KHDRBS3: variants seen among roughly 807,000 people sequenced by gnomAD.
The protein encoded by KHDRBS3 is KH domain-containing, RNA-binding, signal transduction-associated protein 3.
In KHDRBS3, 23 loss-of-function variants were observed where a neutral mutation model predicts 45.6. The ratio of observed to expected loss-of-function variants is 0.50; its 90% CI spans 0.36 to 0.72. The LOEUF is 0.72. Among genes scored for constraint, KHDRBS3 ranks in the 30% least tolerant of loss-of-function variants. The pLI is 0.00. For missense variants in KHDRBS3, 352 were observed against 424.8 expected (o/e 0.83, Z 1.51); for synonymous variants, 162 against 156.5 (o/e 1.04, Z -0.26).
intron 6 of KHDRBS3, among the ~76,000 whole-genome samples, chr8:135,587,563 A>G (rs770210595): frequency 6.6e-6 from 1 of 152,214 alleles, no homozygotes; most frequent in Non-Finnish European, 1.5e-5. Flanking sequence ...GTAACTCCTC[A>G]TCTCTTTTTG....
chr8:135,531,910 T>A, intron 2 of KHDRBS3, among the ~76,000 whole-genome samples: 1 of 152,130 alleles, frequency 6.6e-6, no homozygotes, highest in East Asian at 1.9e-4. Context: ...TCCTGAAATA[T>A]TTGTGATATT....
rs147475631 is a variant in KHDRBS3, at chr8:135,611,375, A to G, written c.890+4338A>G. ...TTTGAACTGAGGTCTGACTGTAACT[A>G]TATATTAGTATCTTTTCCACTACAG... On this transcript the variant is annotated intron_variant, in intron 7 of 8. Transcript: ENST00000355849. Among the ~76,000 whole-genome samples the G allele has an allele frequency of 2.7e-4, 41 of 151,968 alleles. 2 individuals are homozygous for G. The highest frequency in any genetic ancestry group is 8.0e-4 in the African/African-American group (33 of 41,216).
At chr8:135,607,480 C>G (rs1243704860) in intron 7 of KHDRBS3, among the ~76,000 whole-genome samples, 1 of 152,168 alleles carries the variant, frequency 6.6e-6, no homozygotes, top group Non-Finnish European at 1.5e-5. Flanking sequence ...CTATCAACTT[C>G]AAACTCCTAC....
chr8:135,575,682 C>T (rs1419089668), intron 5 of KHDRBS3, among the ~76,000 whole-genome samples: 1 of 151,744 alleles, frequency 6.6e-6, no homozygotes, highest in Non-Finnish European at 1.5e-5. Context: ...TATTTTAGAA[C>T]AGTTGTGGCT....
At chr8:135,578,624 A>G (rs1465763516) in intron 5 of KHDRBS3, among the ~76,000 whole-genome samples, 4 of 152,230 alleles carry the variant, frequency 2.6e-5, no homozygotes, top group South Asian at 4.2e-4. Flanking sequence ...TTGTAGCTTT[A>G]TAATAAGTCT....
intron 7 of KHDRBS3, 84 bp from the exon 8 acceptor site, chr8:135,644,973 CTT>C: frequency 7.1e-7 from 1 of 1,409,318 alleles, no homozygotes; most frequent in Non-Finnish European, 9.9e-7. Context: ...CATTAGTTGT[CTT>C]TAAGTTTTAC....
At chr8:135,501,232 T>TA (rs1823719856) in intron 1 of KHDRBS3, among the ~76,000 whole-genome samples, 1 of 152,204 alleles carries the variant, frequency 6.6e-6, no homozygotes, top group Admixed American at 6.5e-5. Flanking sequence ...AATTCTGAGC[T>TA]CTTTTTCTTT....
In KHDRBS3 at chr8:135,646,979, C is replaced by T; in HGVS notation, c.950-14C>T. 1 of 1,449,104 alleles carries T rather than the reference C, an allele frequency of 6.9e-7. No homozygotes were observed. Among genetic ancestry groups the T allele is most frequent in the South Asian group, 1.1e-5 (1 of 87,856 alleles). The allele number at this position is 1,449,104 out of a possible 1,614,324, so 89.8% of individuals were successfully genotyped here. A position where few individuals can be genotyped will look rare whatever the true frequency, so the allele number is the denominator to read the frequency against. ...TGGCAGTGATCTAATTGTGATTCAT[C>T]TTACTGATTGTAGGGCAAGAAGAGT... On this transcript the variant is annotated splice_polypyrimidine_tract_variant and intron_variant, in intron 8 of 8. Coordinates refer to ENST00000355849, the MANE Select transcript of KHDRBS3 (RefSeq NM_006558.3).
chr8:135,537,173 C>T (rs1368779198), intron 2 of KHDRBS3, among the ~76,000 whole-genome samples: 2 of 152,052 alleles, frequency 1.3e-5, no homozygotes, highest in East Asian at 3.9e-4. Context: ...ACAGTGGCAC[C>T]ATTTGCTGGG....
chr8:135,631,705 G>A (rs1434640195), intron 7 of KHDRBS3, among the ~76,000 whole-genome samples: 1 of 152,190 alleles, frequency 6.6e-6, no homozygotes, highest in Non-Finnish European at 1.5e-5. Flanking sequence ...CTTCGGGCAG[G>A]TCCTTTAGGA....
chr8:135,512,301 T>C (rs941065290), intron 1 of KHDRBS3, among the ~76,000 whole-genome samples: 1 of 151,940 alleles, frequency 6.6e-6, no homozygotes. Flanking sequence ...AGCTGGACTG[T>C]TGTACTATTT....
At chr8:135,604,874 C>G (rs1341091290) in intron 6 of KHDRBS3, among the ~76,000 whole-genome samples, 1 of 150,328 alleles carries the variant, frequency 6.7e-6, no homozygotes, top group African/African-American at 2.4e-5. Flanking sequence ...TTAACTTCTC[C>G]TTCATTTTTG....
At chr8:135,460,010 T>A (rs1177344200) in intron 1 of KHDRBS3, among the ~76,000 whole-genome samples, 2 of 152,246 alleles carry the variant, frequency 1.3e-5, no homozygotes, top group Non-Finnish European at 2.9e-5. Flanking sequence ...AACATTTTTC[T>A]CTTAAATCAC....
chr8:135,462,742 A>T (rs149668366), intron 1 of KHDRBS3, among the ~76,000 whole-genome samples: 1 of 152,232 alleles, frequency 6.6e-6, no homozygotes, highest in African/African-American at 2.4e-5. Context: ...GCCCATGGTG[A>T]CATGCTTATA....
intron 1 of KHDRBS3, among the ~76,000 whole-genome samples, chr8:135,513,526 T>C (rs992427350): frequency 1.3e-5 from 2 of 152,230 alleles, no homozygotes; most frequent in Non-Finnish European, 2.9e-5. Flanking sequence ...ACTCAAGCAG[T>C]TGGAGTCTGG....
At chr8:135,588,261 T>C (rs1828575627) in intron 6 of KHDRBS3, among the ~76,000 whole-genome samples, 1 of 152,156 alleles carries the variant, frequency 6.6e-6, no homozygotes, top group African/African-American at 2.4e-5. Flanking sequence ...TTACTACTGC[T>C]AATTTGTTAT....
chr8:135,552,840 C>T (rs1563763426), intron 4 of KHDRBS3, among the ~76,000 whole-genome samples: 2 of 152,040 alleles, frequency 1.3e-5, no homozygotes, highest in South Asian at 2.1e-4. Flanking sequence ...AAGGGGAGCT[C>T]GTGTTCAGAC....
Position 135,645,135 on chromosome 8 carries a change from G to C in KHDRBS3, c.949+18G>C, listed in dbSNP as rs146650015. 1.5e-5 allele frequency: 24 copies of C among 1,612,980 alleles called. No homozygotes were observed. The African/African-American group carries it at 1.7e-4, about 12-fold the overall frequency. On this transcript the variant is annotated intron_variant, in intron 8 of 8. Coordinates refer to ENST00000355849, the MANE Select transcript of KHDRBS3 (RefSeq NM_006558.3). Reference sequence around the variant, plus strand: ...TTCCTACGGTGAGTGACTGGCCAGAGCATGTGAAGAGAGGGAGGAGAGATG... The same window carrying C: ...TTCCTACGGTGAGTGACTGGCCAGACCATGTGAAGAGAGGGAGGAGAGATG...
chr8:135,632,270 T>G (rs191492799), intron 7 of KHDRBS3, among the ~76,000 whole-genome samples: 1 of 152,308 alleles, frequency 6.6e-6, no homozygotes, highest in East Asian at 1.9e-4. Flanking sequence ...CCGTCGTTCC[T>G]TCTGAAGAGC....
Sources: allele counts gnomAD v4.1 joint callset (sites outside exome capture counted in the v4.1 genomes callset), GRCh38; gene constraint gnomAD v4.1.1; transcripts MANE v1.5; gene names NCBI Gene and HGNC (gene_info 2026-07-23, HGNC 2026-07-21).